Variants in F2 observed in about 807,000 individuals in gnomAD.
The protein encoded by F2 is coagulation factor II, thrombin, also known as prothrombin.
Under a neutral mutation model 81.9 loss-of-function variants are expected in F2, and 34 were observed. The ratio of observed to expected loss-of-function variants is 0.42; its 90% CI spans 0.32 to 0.55. F2 has a LOEUF of 0.55. F2 is among the 20% of genes least tolerant of loss of function. The probability of loss-of-function intolerance (pLI) is 0.18; values close to 1 mark genes in which losing one functional copy is unlikely to be tolerated. For synonymous variants in F2, 296 were observed against 326.4 expected (o/e 0.91, Z 1.01); for missense variants, 630 against 833.4 (o/e 0.76, Z 3.00).
Position 46,728,818 on chromosome 11 carries a change from G to A in F2, c.1453G>A (p.Asp485Asn), listed in dbSNP as rs759378694. 19 of 1,613,834 alleles carry A rather than the reference G, an allele frequency of 1.2e-5. No homozygotes were observed. The Admixed American group carries it at 2.8e-4, about 24-fold the overall frequency. Residue 485 changes from aspartate (D) to asparagine (N), a missense_variant, in exon 11 of 14, where the codon GAC becomes AAC. Coordinates refer to ENST00000311907, the MANE Select transcript of F2 (RefSeq NM_000506.5). This position sits in a 1 kb window ranked among gnomAD's most constrained non-coding sequence, Gnocchi z 5.1. ...SDYIHPVCLP[D>N]RETAASLLQA... Reference sequence around the variant, plus strand: ...CTACATTCACCCTGTGTGTCTGCCCGACAGGGAGACGGCAGCCAGGTGGGC... The same window carrying A: ...CTACATTCACCCTGTGTGTCTGCCCAACAGGGAGACGGCAGCCAGGTGGGC...
chr11:46,726,400 C>T lies in F2; in HGVS notation c.875-98C>T. The T allele has an allele frequency of 6.4e-7, 1 of 1,552,744 alleles. No individual in the cohort carries two copies. The highest frequency in any genetic ancestry group is 8.7e-7 in the Non-Finnish European group (1 of 1,148,558). ...TGTGCATGCACGCTTAACCTCTGCACCAAATGGCCTCCAAGGCCCGTAGGG... is the reference window on the plus strand; with the variant it reads ...TGTGCATGCACGCTTAACCTCTGCATCAAATGGCCTCCAAGGCCCGTAGGG... On this transcript the variant is annotated intron_variant, in intron 7 of 13. Transcript: ENST00000311907. This position sits in a 1 kb window ranked among gnomAD's most constrained non-coding sequence, Gnocchi z 5.9.
In F2 at chr11:46,728,404, T is replaced by C. The variant is rs1194250084; in HGVS notation, c.1298+241T>C. Among the ~76,000 whole-genome samples the C allele has an allele frequency of 6.6e-6, 1 of 152,162 alleles. No homozygotes were observed. The highest frequency in any genetic ancestry group is 1.5e-5 in the Non-Finnish European group (1 of 68,010). ...CTAGGATATAGCCCATGTGGGAGTCTCTGAAAATAGAGTCTGTCTGGACTA... is the reference window on the plus strand; with the variant it reads ...CTAGGATATAGCCCATGTGGGAGTCCCTGAAAATAGAGTCTGTCTGGACTA... On this transcript the variant is annotated intron_variant, in intron 10 of 13. Transcript: ENST00000311907. This position sits in a 1 kb window ranked among gnomAD's most constrained non-coding sequence, Gnocchi z 5.1.
At chr11:46,735,413 C>G (rs1438185665) in intron 12 of F2, among the ~76,000 whole-genome samples, 2 of 151,668 alleles carry the variant, frequency 1.3e-5, no homozygotes, top group Non-Finnish European at 2.9e-5. Flanking sequence ...TGAACTCCAG[C>G]CTGGCGACAG....
chr11:46,739,348 C>T lies in F2; in HGVS notation c.1809C>T (p.Tyr603=), dbSNP rs2064963810. 3.7e-6 allele frequency: 6 copies of T among 1,614,136 alleles called. No homozygotes were observed. The South Asian group carries it at 4.4e-5, about 12-fold the overall frequency. ...GCDRDGKYGF[Y]THVFRLKKWI... ...ACCGGGATGGGAAATATGGCTTCTA[C>T]ACACATGTGTTCCGCCTGAAGAAGT... The change falls in exon 14 of 14, where the codon TAC becomes TAT. Residue 603 remains tyrosine (Y), a synonymous_variant. Coordinates refer to ENST00000311907, the MANE Select transcript of F2 (RefSeq NM_000506.5).
chr11:46,734,183 C>T (rs1160655828), intron 12 of F2, among the ~76,000 whole-genome samples: 1 of 151,972 alleles, frequency 6.6e-6, no homozygotes, highest in East Asian at 1.9e-4. Flanking sequence ...CTGCAGCCTC[C>T]ACTTCCCTGG....
intron 12 of F2, among the ~76,000 whole-genome samples, chr11:46,736,590 G>A (rs781011367): frequency 4.6e-5 from 7 of 152,158 alleles, no homozygotes; most frequent in African/African-American, 7.2e-5. Context: ...GAGCCACGGT[G>A]CCCAGCCCCA....
Position 46,719,430 on chromosome 11 carries a change from C to T in F2, c.79+116C>T, listed in dbSNP as rs2064821182. ...CTGGCCCCTAAGTAGGTCTCAGCCC[C>T]AGGCGGCCAGCTTAGGGAAGAAGTC... is the stretch of plus-strand genomic sequence containing the variant. On this transcript the variant is annotated intron_variant, in intron 1 of 13. Transcript: ENST00000311907. The surrounding 1 kb of genome is among the most constrained non-coding windows in gnomAD (Gnocchi z 4.7). 3 of 1,255,640 alleles carry T rather than the reference C, an allele frequency of 2.4e-6. No individual in the cohort carries two copies. Among genetic ancestry groups the T allele is most frequent in the East Asian group, 2.5e-5 (1 of 39,490 alleles). The allele number at this position is 1,255,640 out of a possible 1,614,324, so 77.8% of individuals were successfully genotyped here. A position where few individuals can be genotyped will look rare whatever the true frequency, so the allele number is the denominator to read the frequency against.
intron 2 of F2, 192 bp from the exon 3 acceptor site, chr11:46,720,331 G>A: frequency 1.5e-6 from 1 of 662,888 alleles, no homozygotes; most frequent in Non-Finnish European, 2.7e-6. Flanking sequence ...TGTGTGTGTT[G>A]GAGGAACTCC....
At chr11:46,720,888 G>A in intron 4 of F2, 48 bp downstream of exon 4, 1 of 1,609,378 alleles carries the variant, frequency 6.2e-7, no homozygotes, top group Non-Finnish European at 8.5e-7. Flanking sequence ...AGGGGAGCCT[G>A]GGAGAAGAGC....
At chr11:46,724,739 G>C (rs561892477) in intron 6 of F2, among the ~76,000 whole-genome samples, 1 of 151,202 alleles carries the variant, frequency 6.6e-6, no homozygotes, top group Non-Finnish European at 1.5e-5. Context: ...CATCCCTGTC[G>C]GGCCCATTGC....
At chr11:46,722,828 G>C (rs909862166) in intron 4 of F2, among the ~76,000 whole-genome samples, 7 of 152,212 alleles carry the variant, frequency 4.6e-5, no homozygotes, top group African/African-American at 1.2e-4. Context: ...TGAGCTAGCA[G>C]GGACAGGTAG....
At chr11:46,733,008 C>A (rs1304292109) in intron 12 of F2, among the ~76,000 whole-genome samples, 1 of 151,928 alleles carries the variant, frequency 6.6e-6, no homozygotes, top group Non-Finnish European at 1.5e-5. Context: ...TGGACAGAAC[C>A]AGAAAAAAAT....
At position 46,723,162 on chromosome 11, in the gene F2, G is replaced by T; in HGVS notation, c.317-18G>T. On this transcript the variant is annotated intron_variant, in intron 4 of 13. Transcript: ENST00000311907. This position sits in a 1 kb window ranked among gnomAD's most constrained non-coding sequence, Gnocchi z 5.6. Reference sequence around the variant, plus strand: ...AAGTCCCCAGGCTCCAAGGCTGACCGGGGTGGGGTCTCCGCAGGTAACTGT... The same window carrying T: ...AAGTCCCCAGGCTCCAAGGCTGACCTGGGTGGGGTCTCCGCAGGTAACTGT... 1.2e-6 allele frequency: 2 copies of T among 1,610,830 alleles called. 1 individual carries two copies. The highest frequency in any genetic ancestry group is 2.7e-5 in the African/African-American group (2 of 74,980).
At chr11:46,722,667 A>G (rs2134526983) in intron 4 of F2, among the ~76,000 whole-genome samples, 1 of 152,370 alleles carries the variant, frequency 6.6e-6, no homozygotes, top group Admixed American at 6.5e-5. Flanking sequence ...GACCACAGGA[A>G]AATGAGTGTC....
In F2 at chr11:46,719,435, G is replaced by A. The variant is rs764725211; in HGVS notation, c.79+121G>A. Reference sequence around the variant, plus strand: ...CCCTAAGTAGGTCTCAGCCCCAGGCGGCCAGCTTAGGGAAGAAGTCAGGAG... The same window carrying A: ...CCCTAAGTAGGTCTCAGCCCCAGGCAGCCAGCTTAGGGAAGAAGTCAGGAG... On this transcript the variant is annotated intron_variant, in intron 1 of 13. Transcript: ENST00000311907. The surrounding 1 kb of genome is among the most constrained non-coding windows in gnomAD (Gnocchi z 4.7). 9.2e-6 allele frequency: 11 copies of A among 1,193,894 alleles called. No homozygotes were observed. Among genetic ancestry groups the A allele is most frequent in the South Asian group, 2.6e-5 (2 of 76,428 alleles). The allele number at this position is 1,193,894 out of a possible 1,614,324, so 74.0% of individuals were successfully genotyped here.
rs766630805 is a variant in F2, at chr11:46,726,539, G to A, written c.916G>A (p.Asp306Asn). Residue 306 changes from aspartate (D) to asparagine (N), a missense_variant, in exon 8 of 14, where the codon GAC becomes AAC. Physicochemically the swap from Asp to Asn is conservative, Grantham distance 23. Transcript: ENST00000311907. This position sits in a 1 kb window ranked among gnomAD's most constrained non-coding sequence, Gnocchi z 5.9. ...EEETGDGLDE[D>N]SDRAIEGRTA... Reference sequence around the variant, plus strand: ...GGAGACAGGAGATGGGCTGGATGAGGACTCAGACAGGGCCATCGAAGGGCG... The same window carrying A: ...GGAGACAGGAGATGGGCTGGATGAGAACTCAGACAGGGCCATCGAAGGGCG... The A allele has an allele frequency of 1.2e-6, 2 of 1,614,034 alleles. No homozygotes were observed. The highest frequency in any genetic ancestry group is 1.1e-5 in the South Asian group (1 of 91,078).
At chr11:46,731,662 C>T (rs183720273) in intron 12 of F2, among the ~76,000 whole-genome samples, 2 of 151,324 alleles carry the variant, frequency 1.3e-5, no homozygotes, top group African/African-American at 2.4e-5. Context: ...CTGATGAGTG[C>T]AGTCTGGTTA....
rs887862795 is a variant in F2, at chr11:46,723,864, T to A, written c.559+346T>A. Among the ~76,000 whole-genome samples the A allele has an allele frequency of 2.6e-5, 4 of 151,864 alleles. No individual in the cohort carries two copies. Among genetic ancestry groups the A allele is most frequent in the Admixed American group, 2.0e-4 (3 of 15,232 alleles). Reference sequence around the variant, plus strand: ...GAGATCCTGCCACTGTACTTCAGCCTGGGCGACAAGAGCAAAACTCTGTCT... The same window carrying A: ...GAGATCCTGCCACTGTACTTCAGCCAGGGCGACAAGAGCAAAACTCTGTCT... On this transcript the variant is annotated intron_variant, in intron 6 of 13. Coordinates refer to ENST00000311907, the MANE Select transcript of F2 (RefSeq NM_000506.5). This position sits in a 1 kb window ranked among gnomAD's most constrained non-coding sequence, Gnocchi z 5.6.
At chr11:46,731,695 CG>C in intron 12 of F2, among the ~76,000 whole-genome samples, 1 of 152,028 alleles carries the variant, frequency 6.6e-6, no homozygotes, top group East Asian at 1.9e-4. Flanking sequence ...GCCCTGAATC[CG>C]GGTTTGTCTA....
Sources: gnomAD v4.1 joint callset for allele counts (sites outside exome capture counted in the v4.1 genomes callset) on GRCh38, gnomAD v4.1.1 for gene constraint, Gnocchi (gnomAD v3.1) non-coding constraint, MANE v1.5 for transcripts, NCBI Gene and HGNC (gene_info 2026-07-23, HGNC 2026-07-21) for gene names.